The following DACH2 variants were observed in gnomAD, a reference collection of about 807,000 sequenced individuals.
DACH2 encodes the protein dachshund family transcription factor 2.
DACH2 carries 17 observed loss-of-function variants against 35.8 expected under a neutral mutation model. The observed-to-expected ratio is 0.48, with a 90% confidence interval of 0.33 to 0.71. DACH2 has a LOEUF of 0.71. Among genes scored for constraint, DACH2 ranks in the 30% least tolerant of loss-of-function variants. The probability of loss-of-function intolerance (pLI) is 0.02; values close to 1 mark genes in which losing one functional copy is unlikely to be tolerated. For missense variants in DACH2, 469 were observed against 472.7 expected (o/e 0.99, Z 0.07); for synonymous variants, 195 against 177.3 (o/e 1.10, Z -0.79).
intron 6 of DACH2, among the ~76,000 whole-genome samples, chrX:86,737,646 G>T (rs1464716760): frequency 8.9e-6 from 1 of 111,905 alleles, no homozygotes; most frequent in Admixed American, 9.5e-5. Context: ...TAGGTCAGAA[G>T]TTGGACATGA....
chrX:86,374,318 T>C (rs934113828), intron 1 of DACH2, among the ~76,000 whole-genome samples: 11 of 111,218 alleles, frequency 9.9e-5, no homozygotes, highest in Admixed American at 1.9e-4. Context: ...AAAATGACCT[T>C]GACTAATTCT....
intron 4 of DACH2, among the ~76,000 whole-genome samples, chrX:86,682,799 G>A (rs2040896275): frequency 9.0e-6 from 1 of 110,986 alleles, no homozygotes; most frequent in South Asian, 3.8e-4. Context: ...TCTATCTATT[G>A]ATTTATTTTA....
intron 3 of DACH2, among the ~76,000 whole-genome samples, chrX:86,517,063 GGT>G (rs1312578628): frequency 1.8e-5 from 2 of 110,950 alleles, no homozygotes; most frequent in African/African-American, 6.6e-5. Context: ...TTTTCCTCAG[GGT>G]ATATATACCC....
chrX:86,647,075 G>A (rs1424007097), intron 3 of DACH2, among the ~76,000 whole-genome samples: 2 of 109,826 alleles, frequency 1.8e-5, no homozygotes, highest in African/African-American at 6.6e-5. Context: ...AATTATATTG[G>A]TGAGAATGTA....
At chrX:86,292,771 T>C (rs1431630580) in intron 1 of DACH2, among the ~76,000 whole-genome samples, 1 of 112,102 alleles carries the variant, frequency 8.9e-6, no homozygotes, top group Non-Finnish European at 1.9e-5. Context: ...TCTAGTTTGA[T>C]TGCACTGTAG....
intron 5 of DACH2, among the ~76,000 whole-genome samples, chrX:86,708,090 C>T (rs915111292): frequency 1.8e-5 from 2 of 108,141 alleles, no homozygotes; most frequent in African/African-American, 6.8e-5. Flanking sequence ...ATACAATACC[C>T]ATTCATAATA....
intron 1 of DACH2, among the ~76,000 whole-genome samples, chrX:86,209,753 A>G (rs1415546836): frequency 9.0e-6 from 1 of 111,473 alleles, no homozygotes; most frequent in Non-Finnish European, 1.9e-5. Context: ...ATCATGGTCC[A>G]GCAACTCAAT....
At chrX:86,414,879 C>T (rs951657666) in intron 2 of DACH2, among the ~76,000 whole-genome samples, 5 of 111,660 alleles carry the variant, frequency 4.5e-5, no homozygotes, top group Non-Finnish European at 9.4e-5. Context: ...TTGAACCACT[C>T]ACGGTACCAA....
In DACH2 at chrX:86,190,173, A is replaced by T. The variant is rs58481533; in HGVS notation, c.488+41065A>T. Among the ~76,000 whole-genome samples, 288 of 110,692 alleles carry T rather than the reference A, an allele frequency of 2.6e-3. 1 individual carries two copies. The highest frequency in any genetic ancestry group is 9.2e-3 in the African/African-American group (281 of 30,486). ...AGTGAGACTCCATCTAAAAAAAAAA[A>T]AAAGTAAAATAAAAACTTCATTTCT... On this transcript the variant is annotated intron_variant, in intron 1 of 11. Transcript: ENST00000373125.
chrX:86,734,756 G>A (rs2041577431), intron 6 of DACH2, among the ~76,000 whole-genome samples: 1 of 97,239 alleles, frequency 1.0e-5, no homozygotes, highest in African/African-American at 3.8e-5. Context: ...TTAGTGGTAA[G>A]CTACGTTAGT....
intron 1 of DACH2, among the ~76,000 whole-genome samples, chrX:86,190,590 T>G (rs1249344602): frequency 8.9e-6 from 1 of 112,228 alleles, no homozygotes; most frequent in Admixed American, 9.5e-5. Context: ...TACTTATCAT[T>G]AGAGAAATGC....
intron 4 of DACH2, among the ~76,000 whole-genome samples, chrX:86,667,505 G>GAAAGAA (rs1403571333): frequency 1.2e-4 from 5 of 41,540 alleles, no homozygotes; most frequent in African/African-American, 4.3e-4. Flanking sequence ...GAAAGAGAAA[G>GAAAGAA]AAAGAAAGAA....
intron 1 of DACH2, among the ~76,000 whole-genome samples, chrX:86,344,606 C>T (rs1438759089): frequency 9.0e-6 from 1 of 111,073 alleles, no homozygotes; most frequent in African/African-American, 3.3e-5. Flanking sequence ...CTATTGGGAA[C>T]TTCTTTCACC....
At chrX:86,702,675 A>G (rs755423108) in intron 5 of DACH2, among the ~76,000 whole-genome samples, 15 of 111,810 alleles carry the variant, frequency 1.3e-4, no homozygotes, top group Non-Finnish European at 2.1e-4. Flanking sequence ...GAAAACCTAG[A>G]GGAAATGAAT....
At chrX:86,799,467 T>C (rs1229510620) in intron 7 of DACH2, among the ~76,000 whole-genome samples, 1 of 111,795 alleles carries the variant, frequency 8.9e-6, no homozygotes, top group Non-Finnish European at 1.9e-5. Context: ...AGGTGATTTC[T>C]GCATTTCCAA....
chrX:86,309,232 A>C (rs965175592), intron 1 of DACH2, among the ~76,000 whole-genome samples: 1 of 112,223 alleles, frequency 8.9e-6, no homozygotes, highest in Non-Finnish European at 1.9e-5. Flanking sequence ...GATCTTGGAG[A>C]ATGACAGTGG....
chrX:86,575,740 G>C (rs1243116208), intron 3 of DACH2, among the ~76,000 whole-genome samples: 3 of 111,767 alleles, frequency 2.7e-5, no homozygotes, highest in Admixed American at 1.9e-4. Flanking sequence ...GTTACAGTGT[G>C]ACATGGTCAG....
chrX:86,340,637 T>C (rs1280697405), intron 1 of DACH2, among the ~76,000 whole-genome samples: 1 of 111,594 alleles, frequency 9.0e-6, no homozygotes, highest in Non-Finnish European at 1.9e-5. Context: ...TGATTAAGCT[T>C]AGCGAGGAAG....
intron 2 of DACH2, among the ~76,000 whole-genome samples, chrX:86,449,240 A>G (rs1373347530): frequency 7.5e-5 from 5 of 66,878 alleles, no homozygotes; most frequent in Non-Finnish European, 1.2e-4. Context: ...GATCCTTTCA[A>G]AAAACCAGCT....
Sources: gnomAD v4.1 joint callset for allele counts (sites outside exome capture counted in the v4.1 genomes callset) on GRCh38, gnomAD v4.1.1 for gene constraint, MANE v1.5 for transcripts, NCBI Gene and HGNC (gene_info 2026-07-23, HGNC 2026-07-21) for gene names.